The following LLGL1 variants were observed in gnomAD, a reference collection of about 807,000 sequenced individuals.
LLGL1 encodes LLGL scribble cell polarity complex component 1.
LLGL1 carries 58 observed loss-of-function variants against 110.6 expected under a neutral mutation model. That is an observed-to-expected ratio of 0.52 (90% confidence interval 0.42 to 0.65). The LOEUF is 0.65. LLGL1 is among the 30% of genes least tolerant of loss of function. The probability of loss-of-function intolerance (pLI) is 0.00; values close to 1 mark genes in which losing one functional copy is unlikely to be tolerated. For synonymous variants in LLGL1, 674 were observed against 607.2 expected (o/e 1.11, Z -1.62); for missense variants, 1,229 against 1,462.1 (o/e 0.84, Z 2.60).
chr17:18,242,494 C>A lies in LLGL1; in HGVS notation c.2996-14C>A. The A allele has an allele frequency of 6.2e-7, 1 of 1,613,802 alleles. No individual in the cohort carries two copies. The highest frequency in any genetic ancestry group is 8.5e-7 in the Non-Finnish European group (1 of 1,179,870). ...TAAGGGTCCTGGTAGGGGCTGATGA[C>A]TTGCTCCCTGTAGACACCCCGGAGC... is the stretch of plus-strand genomic sequence containing the variant. On this transcript the variant is annotated splice_polypyrimidine_tract_variant and intron_variant, in intron 20 of 22. Coordinates refer to ENST00000316843, the MANE Select transcript of LLGL1 (RefSeq NM_004140.4).
In LLGL1 at chr17:18,240,157, G is replaced by A. The variant is rs2047795026; in HGVS notation, c.2207-421G>A. 6.6e-6 allele frequency among the ~76,000 whole-genome samples: 1 copy of A among 152,162 alleles called. No homozygotes were observed. Among genetic ancestry groups the A allele is most frequent in the African/African-American group, 2.4e-5 (1 of 41,432 alleles). Reference sequence around the variant, plus strand: ...GCACACCTGTCGACAGGACTAGCAAGGGGACGCAGGGGTGGAGAGAGGAGT... The same window carrying A: ...GCACACCTGTCGACAGGACTAGCAAAGGGACGCAGGGGTGGAGAGAGGAGT... On this transcript the variant is annotated intron_variant, in intron 16 of 22. Transcript: ENST00000316843. This position sits in a 1 kb window ranked among gnomAD's most constrained non-coding sequence, Gnocchi z 5.3.
chr17:18,230,133 C>G (rs1267004435), intron 2 of LLGL1, 95 bp downstream of exon 2: 5 of 959,664 alleles, frequency 5.2e-6, no homozygotes, highest in Non-Finnish European at 7.9e-6. Context: ...GTGTCCAGCT[C>G]GAGAGGAGGA....
At chr17:18,230,249 G>A (rs1035623008) in intron 2 of LLGL1, among the ~76,000 whole-genome samples, 6 of 152,136 alleles carry the variant, frequency 3.9e-5, no homozygotes, top group African/African-American at 9.7e-5. Flanking sequence ...GCTGAGAGAC[G>A]GGTGGTGGGG....
rs934795070 is a variant in LLGL1, at chr17:18,244,582, GT to G, written c.*679del. On this transcript the variant is annotated 3_prime_UTR_variant, in exon 23 of 23. Transcript: ENST00000316843. ...TTTCTAGCGCCTGGGCTGGACAGTT[GT>G]TTCTAAAACTAAACTATTTTGGTAC... The G allele has an allele frequency of 6.6e-6, 1 of 152,264 alleles. No individual in the cohort carries two copies. Among genetic ancestry groups the G allele is most frequent in the African/African-American group, 2.4e-5 (1 of 41,270 alleles). 9.4% of individuals were successfully genotyped at this position (152,264 alleles called of 1,614,324 possible).
At chr17:18,230,118 T>G in intron 2 of LLGL1, 80 bp downstream of exon 2, 2 of 1,132,134 alleles carry the variant, frequency 1.8e-6, no homozygotes. Context: ...GTCCCAGTCT[T>G]GGCAGTGTCC....
chr17:18,234,166 G>A lies in LLGL1; in HGVS notation c.705G>A (p.Leu235=), dbSNP rs1212242358. Residue 235 remains leucine, a synonymous_variant, in exon 6 of 23, where the codon CTG becomes CTA. Transcript: ENST00000316843. ...QASQCVDHIF[L]GNQQLESLCW... ...CGCAGTGTGTGGACCACATCTTCCT[G>A]GGGAACCAGGTATGTAGGTGAGGCC... 1.2e-6 allele frequency: 2 copies of A among 1,601,340 alleles called. No individual in the cohort carries two copies. Among genetic ancestry groups the A allele is most frequent in the Non-Finnish European group, 8.5e-7 (1 of 1,171,578 alleles).
chr17:18,236,990 A>C, intron 13 of LLGL1, 51 bp downstream of exon 13: 1 of 1,452,482 alleles, frequency 6.9e-7, no homozygotes. Context: ...GCTTTCTGGA[A>C]GAGATGAGCT....
Position 18,242,742 on chromosome 17 carries a change from G to A in LLGL1, c.3117-1G>A. 1 of 1,567,134 alleles carries A rather than the reference G, an allele frequency of 6.4e-7. No individual in the cohort carries two copies. Among genetic ancestry groups the A allele is most frequent in the Non-Finnish European group, 8.7e-7 (1 of 1,155,132 alleles). On this transcript the variant is annotated splice_acceptor_variant, in intron 21 of 22. Coordinates refer to ENST00000316843, the MANE Select transcript of LLGL1 (RefSeq NM_004140.4). LOFTEE classifies it high-confidence loss of function. ...CCCTGAGCACCATCCCCATCTCGCAGCTCCTCTGAGGAGTCAGAGAAGAAC... is the reference window on the plus strand; with the variant it reads ...CCCTGAGCACCATCCCCATCTCGCAACTCCTCTGAGGAGTCAGAGAAGAAC...
intron 22 of LLGL1, among the ~76,000 whole-genome samples, chr17:18,243,319 G>A (rs181988316): frequency 2.1e-4 from 32 of 152,298 alleles, no homozygotes; most frequent in Admixed American, 9.8e-4. Context: ...GTGTTAGCCA[G>A]GATGGTCTCG....
chr17:18,237,317 T>C, intron 13 of LLGL1, 164 bp from the exon 14 acceptor site: 1 of 681,800 alleles, frequency 1.5e-6, no homozygotes, highest in Non-Finnish European at 2.4e-6. Flanking sequence ...AGGGCCTTGG[T>C]ATACAGTAGG....
intron 14 of LLGL1, 110 bp downstream of exon 14, chr17:18,237,883 C>A: frequency 7.5e-7 from 1 of 1,341,904 alleles, no homozygotes; most frequent in Non-Finnish European, 1.0e-6. Context: ...ACCTCCATTG[C>A]CCTATAAGAA....
rs2142678406 is a variant in LLGL1, at chr17:18,238,742, C to G, written c.2206+133C>G. ...CAGGAGGTGGCTGGGCACGGTGGCT[C>G]AAGCCTGTGAGTGATCCCAGCACTT... is the stretch of plus-strand genomic sequence containing the variant. On this transcript the variant is annotated intron_variant, in intron 16 of 22. Coordinates refer to ENST00000316843, the MANE Select transcript of LLGL1 (RefSeq NM_004140.4). The G allele has an allele frequency of 4.4e-6, 4 of 903,880 alleles. No individual in the cohort carries two copies. The East Asian group carries it at 7.5e-5, about 17-fold the overall frequency. 56.0% of individuals were successfully genotyped at this position (903,880 alleles called of 1,614,324 possible). A position where few individuals can be genotyped will look rare whatever the true frequency, so the allele number is the denominator to read the frequency against.
At chr17:18,225,862 G>A (rs1409889668) in intron 1 of LLGL1, 99 bp downstream of exon 1, 1 of 419,246 alleles carries the variant, frequency 2.4e-6, no homozygotes, top group African/African-American at 2.2e-5. Flanking sequence ...CCGGGGGGCG[G>A]GGGCTGGCAT....
rs1170067020 is a variant in LLGL1, at chr17:18,238,556, CCTT to C, written c.2154_2156del (p.Leu719del). Reference sequence around the variant, plus strand: ...ATTGAGCCCCGCTCTGCCGATGACTCCTTGTCGGGTGTCGTGCGTTGCCTATAC... The same window carrying C: ...ATTGAGCCCCGCTCTGCCGATGACTCGTCGGGTGTCGTGCGTTGCCTATAC... On this transcript the variant is annotated inframe_deletion, in exon 16 of 23. Coordinates refer to ENST00000316843, the MANE Select transcript of LLGL1 (RefSeq NM_004140.4). The C allele has an allele frequency of 7.4e-6, 12 of 1,613,190 alleles. No homozygotes were observed. Among genetic ancestry groups the C allele is most frequent in the Non-Finnish European group, 1.0e-5 (12 of 1,180,024 alleles).
chr17:18,231,466 C>G (rs150111992), intron 2 of LLGL1, among the ~76,000 whole-genome samples: 1 of 152,192 alleles, frequency 6.6e-6, no homozygotes, highest in Non-Finnish European at 1.5e-5. Flanking sequence ...TGTCATGGGG[C>G]CCCCTCAGGC....
intron 16 of LLGL1, among the ~76,000 whole-genome samples, chr17:18,239,666 A>T (rs1399610453): frequency 6.6e-6 from 1 of 151,980 alleles, no homozygotes; most frequent in Non-Finnish European, 1.5e-5. Context: ...CAGCTTTCTG[A>T]TGCCATTTAT....
chr17:18,235,843 C>T (rs530914016), intron 11 of LLGL1: 122 of 391,504 alleles, frequency 3.1e-4, no homozygotes, highest in African/African-American at 2.3e-3. Context: ...GGGAAGGTGC[C>T]AGAGAGCCCA....
intron 14 of LLGL1, 130 bp from the exon 15 acceptor site, chr17:18,237,937 A>G (rs1033928196): frequency 2.5e-5 from 32 of 1,291,374 alleles, no homozygotes; most frequent in Admixed American, 9.1e-5. Context: ...TACCACCTGC[A>G]GCTGGGTCCA....
Position 18,237,736 on chromosome 17 carries a change from C to A in LLGL1, c.1867C>A (p.Leu623Ile). 6.2e-7 allele frequency: 1 copy of A among 1,611,884 alleles called. No individual in the cohort carries two copies. The highest frequency in any genetic ancestry group is 8.5e-7 in the Non-Finnish European group (1 of 1,179,174). Residue 623 changes from leucine to isoleucine, a missense_variant, in exon 14 of 23, where the codon CTC becomes ATC. By Grantham distance (5) the Leu-to-Ile change is conservative. Transcript: ENST00000316843. ...TTTTGGCACCAGTCATGGCTTTGGC[C>A]TCTTCGACTACCAGCGCAAGAGCCC... ...VAFGTSHGFG[L>I]FDYQRKSPVL...
Sources: gnomAD v4.1 joint callset for allele counts (sites outside exome capture counted in the v4.1 genomes callset) on GRCh38, gnomAD v4.1.1 for gene constraint, Gnocchi (gnomAD v3.1) non-coding constraint, MANE v1.5 for transcripts, NCBI Gene and HGNC (gene_info 2026-07-23, HGNC 2026-07-21) for gene names.